Variants in DPP10 observed in about 807,000 individuals in gnomAD.
DPP10 encodes the protein inactive dipeptidyl peptidase 10.
Under a neutral mutation model 120.9 loss-of-function variants are expected in DPP10, and 33 were observed. The ratio of observed to expected loss-of-function variants is 0.27; its 90% confidence interval spans 0.21 to 0.37. The LOEUF (loss-of-function observed/expected upper bound fraction) is 0.37. DPP10 is among the 10% of genes least tolerant of loss of function. DPP10 has a pLI of 1.00. For missense variants in DPP10, 816 were observed against 942.8 expected, an observed-to-expected ratio of 0.87 and a Z score of 1.76; for synonymous variants, 337 against 326.1, an observed-to-expected ratio of 1.03 and a Z score of -0.36.
At chr2:114,764,885 A>G (rs1030511100) in intron 1 of DPP10, among the ~76,000 whole-genome samples, 1 of 152,200 alleles carries the variant, frequency 6.6e-6, no homozygotes, top group African/African-American at 2.4e-5. Flanking sequence ...TATACTGAGT[A>G]TGGTAAGAAT....
At chr2:115,719,805 A>G (rs2092599516) in intron 7 of DPP10, among the ~76,000 whole-genome samples, 1 of 152,150 alleles carries the variant, frequency 6.6e-6, no homozygotes, top group Non-Finnish European at 1.5e-5. Context: ...AACAAAATAT[A>G]CAGAACTGAT....
At chr2:115,804,359 C>G (rs1412526087) in intron 19 of DPP10, among the ~76,000 whole-genome samples, 1 of 152,124 alleles carries the variant, frequency 6.6e-6, no homozygotes, top group Non-Finnish European at 1.5e-5. Context: ...TTTTTAACTT[C>G]TTTGCCACGG....
intron 1 of DPP10, among the ~76,000 whole-genome samples, chr2:114,595,755 G>C (rs889866619): frequency 2.3e-4 from 35 of 152,176 alleles, no homozygotes; most frequent in African/African-American, 8.2e-4. Flanking sequence ...ATTCTATAGA[G>C]AGCAGAGACC....
intron 1 of DPP10, among the ~76,000 whole-genome samples, chr2:114,802,049 G>A (rs1250766027): frequency 6.6e-6 from 1 of 152,168 alleles, no homozygotes; most frequent in Admixed American, 6.5e-5. Flanking sequence ...ACATAGAAGA[G>A]TTAAGAAGCT....
intron 1 of DPP10, among the ~76,000 whole-genome samples, chr2:114,818,820 G>A (rs141605767): frequency 5.3e-5 from 8 of 152,098 alleles, no homozygotes; most frequent in East Asian, 3.9e-4. Flanking sequence ...TCTACCACAC[G>A]CACCATTCTT....
intron 5 of DPP10, among the ~76,000 whole-genome samples, chr2:115,681,402 G>A (rs948164683): frequency 1.3e-5 from 2 of 151,398 alleles, no homozygotes; most frequent in African/African-American, 4.8e-5. Flanking sequence ...TATGTATGAG[G>A]GTATAGTGTT....
chr2:115,152,950 C>T (rs1036973304), intron 1 of DPP10, among the ~76,000 whole-genome samples: 1 of 152,054 alleles, frequency 6.6e-6, no homozygotes, highest in African/African-American at 2.4e-5. Flanking sequence ...TGAACATGAA[C>T]GTATTTGTGT....
intron 5 of DPP10, among the ~76,000 whole-genome samples, chr2:115,686,805 T>G (rs938640414): frequency 2.0e-5 from 3 of 152,024 alleles, no homozygotes; most frequent in African/African-American, 7.2e-5. Context: ...CTATTCACAC[T>G]CTAATAAGTA....
intron 3 of DPP10, among the ~76,000 whole-genome samples, chr2:115,353,689 GA>G (rs1426894114): frequency 6.6e-6 from 1 of 151,928 alleles, no homozygotes; most frequent in Non-Finnish European, 1.5e-5. Flanking sequence ...GCATTTTTTT[GA>G]AAACCCTTCT....
At chr2:115,748,384 C>T (rs568661242) in intron 10 of DPP10, among the ~76,000 whole-genome samples, 13 of 151,864 alleles carry the variant, frequency 8.6e-5, no homozygotes, top group African/African-American at 2.9e-4. Context: ...TTCCACCACA[C>T]CTAAACCACA....
chr2:115,739,436 C>T (rs1054492930), intron 8 of DPP10, among the ~76,000 whole-genome samples: 1 of 152,008 alleles, frequency 6.6e-6, no homozygotes, highest in Non-Finnish European at 1.5e-5. Context: ...GGCCACATCT[C>T]ACTCTTCAAT....
At chr2:115,533,599 A>G (rs2078606499) in intron 5 of DPP10, among the ~76,000 whole-genome samples, 1 of 152,114 alleles carries the variant, frequency 6.6e-6, no homozygotes, top group African/African-American at 2.4e-5. Flanking sequence ...TCAGTGCTTT[A>G]CAATTACAGA....
chr2:114,816,803 A>G (rs1295523669), intron 1 of DPP10, among the ~76,000 whole-genome samples: 1 of 152,208 alleles, frequency 6.6e-6, no homozygotes, highest in Non-Finnish European at 1.5e-5. Flanking sequence ...TTTTAGTGAT[A>G]GGAAGGCAAG....
chr2:114,981,532 A>G (rs139811143), intron 1 of DPP10, among the ~76,000 whole-genome samples: 2 of 152,300 alleles, frequency 1.3e-5, no homozygotes, highest in Non-Finnish European at 2.9e-5. Context: ...TAAATAGTCT[A>G]CTACTGGGAA....
rs1482232560 is a variant in DPP10 at position 115,007,213 on chromosome 2, A to C, written c.61-302026A>C. Among the ~76,000 whole-genome samples the C allele has an allele frequency of 2.0e-5, 3 of 152,172 alleles. No homozygotes were observed. The East Asian group carries it at 5.8e-4, about 29-fold the overall frequency. On this transcript the variant is annotated intron_variant, in intron 1 of 25. Coordinates refer to ENST00000410059, the MANE Select transcript of DPP10 (RefSeq NM_020868.6). ...AAACCGAATCCAGCAGCACATCAAA[A>C]AGCTTATCCACCATGATCAAGTGGG...
chr2:114,837,909 A>T (rs1342856078), intron 1 of DPP10, among the ~76,000 whole-genome samples: 2 of 152,224 alleles, frequency 1.3e-5, no homozygotes, highest in African/African-American at 2.4e-5. Context: ...GTATCAGTTT[A>T]TGTTTCAGTC....
intron 1 of DPP10, among the ~76,000 whole-genome samples, chr2:115,054,166 A>C (rs2105357332): frequency 6.6e-6 from 1 of 152,276 alleles, no homozygotes; most frequent in South Asian, 2.1e-4. Flanking sequence ...ATCTTCAGAA[A>C]CCCGTGGAAG....
At chr2:115,719,952 G>A (rs2092603835) in intron 7 of DPP10, among the ~76,000 whole-genome samples, 2 of 152,070 alleles carry the variant, frequency 1.3e-5, no homozygotes, top group African/African-American at 2.4e-5. Flanking sequence ...TTGTAACATC[G>A]TTATTGGCTA....
chr2:115,612,811 G>C (rs573423328), intron 5 of DPP10, among the ~76,000 whole-genome samples: 22 of 151,738 alleles, frequency 1.4e-4, no homozygotes, highest in Middle Eastern at 3.5e-3. Flanking sequence ...GAAATAGAGA[G>C]AGTGGTATAT....
Sources: gnomAD v4.1 joint callset for allele counts (sites outside exome capture counted in the v4.1 genomes callset) on GRCh38, gnomAD v4.1.1 for gene constraint, MANE v1.5 for transcripts, NCBI Gene and HGNC (gene_info 2026-07-23, HGNC 2026-07-21) for gene names.